Variants in NPY observed in about 807,000 individuals in gnomAD.
NPY encodes the protein neuropeptide Y.
In NPY, 11 loss-of-function variants were observed where a neutral mutation model predicts 13.2. The ratio of observed to expected loss-of-function variants is 0.83; its 90% CI spans 0.52 to 1.38. The LOEUF is 1.38. NPY is among the 40% of genes most tolerant of loss of function. The pLI, the probability that NPY is intolerant of heterozygous loss-of-function variation, is 0.00. For missense variants in NPY, 109 were observed against 125.1 expected (o/e 0.87, Z 0.61); for synonymous variants, 51 against 55.6 (o/e 0.92, Z 0.37).
intron 1 of NPY, among the ~76,000 whole-genome samples, chr7:24,284,550 G>A (rs1473304058): frequency 6.6e-6 from 1 of 152,224 alleles, no homozygotes; most frequent in Admixed American, 6.5e-5. Context: ...AGCAGATATG[G>A]AGGGAGAACC....
In NPY at chr7:24,285,917, C is replaced by T. The variant is rs1005512546; in HGVS notation, c.188+489C>T. 6.6e-6 allele frequency among the ~76,000 whole-genome samples: 1 copy of T among 152,184 alleles called. No individual in the cohort carries two copies. The highest frequency in any genetic ancestry group is 2.4e-5 in the African/African-American group (1 of 41,446). On this transcript the variant is annotated intron_variant, in intron 2 of 3. Transcript: ENST00000242152. This position sits in a 1 kb window ranked among gnomAD's most constrained non-coding sequence, Gnocchi z 4.9. ...GTCAGACTTTCCGGCCTGCCCAGGGCTAATTGAATGACAGTATTTAGAAAA... is the reference window on the plus strand; with the variant it reads ...GTCAGACTTTCCGGCCTGCCCAGGGTTAATTGAATGACAGTATTTAGAAAA...
rs552656052 is a variant in NPY at position 24,285,761 on chromosome 7, C to T, written c.188+333C>T. On this transcript the variant is annotated intron_variant, in intron 2 of 3. Coordinates refer to ENST00000242152, the MANE Select transcript of NPY (RefSeq NM_000905.4). This position sits in a 1 kb window ranked among gnomAD's most constrained non-coding sequence, Gnocchi z 4.9. ...CCCGGTCCAGAAATCTCGAAAGTAC[C>T]CAGTGAAAGGGGCAAGAATGCGCCA... 6.6e-6 allele frequency among the ~76,000 whole-genome samples: 1 copy of T among 152,056 alleles called. No individual in the cohort carries two copies. Among genetic ancestry groups the T allele is most frequent in the East Asian group, 1.9e-4 (1 of 5,164 alleles).
rs189322979 is a variant in NPY, at chr7:24,286,258, T to G, written c.188+830T>G. Among the ~76,000 whole-genome samples the G allele has an allele frequency of 2.6e-5, 4 of 152,322 alleles. No individual in the cohort carries two copies. The South Asian group carries it at 6.2e-4, about 24-fold the overall frequency. ...AATGCCATATTTTCACTCTCAACAT[T>G]GACAATTAAGGGAAAAATCAAATCC... On this transcript the variant is annotated intron_variant, in intron 2 of 3. Transcript: ENST00000242152.
intron 2 of NPY, among the ~76,000 whole-genome samples, chr7:24,289,194 C>T (rs929139229): frequency 1.3e-5 from 2 of 152,040 alleles, no homozygotes; most frequent in African/African-American, 4.8e-5. Context: ...GTATGTATCT[C>T]TATACATATT....
At chr7:24,291,377 G>T (rs530116720) in intron 3 of NPY, among the ~76,000 whole-genome samples, 2 of 152,302 alleles carry the variant, frequency 1.3e-5, no homozygotes, top group East Asian at 3.9e-4. Flanking sequence ...AAAGATCGGG[G>T]TGTTCTTCGG....
In NPY at chr7:24,291,671, A is replaced by C. The variant is rs753866284; in HGVS notation, c.278A>C (p.Asp93Ala). ...TENVPRTRLE[D>A]PAMW ...CTTCTTATGTTTTACAGGCTTGAAG[A>C]CCCTGCAATGTGGTGATGGGAAATG... is the stretch of plus-strand genomic sequence containing the variant. The change falls in exon 4 of 4, where the codon GAC (aspartate) becomes GCC (alanine). Residue 93 changes from aspartate (D) to alanine (A), a missense_variant. By Grantham distance (126) the Asp-to-Ala change is moderately radical. Coordinates refer to ENST00000242152, the MANE Select transcript of NPY (RefSeq NM_000905.4). 3.7e-6 allele frequency: 6 copies of C among 1,614,032 alleles called. No homozygotes were observed. The East Asian group carries it at 1.3e-4, about 36-fold the overall frequency.
rs1243498900 is a variant in NPY at position 24,285,006 on chromosome 7, C to A, written c.1-235C>A. ...GCTTCTTGGTCCCTGAGACTTCGAA[C>A]GAAGTTGCGCGAAGTTTTCAGGTGG... is the stretch of plus-strand genomic sequence containing the variant. On this transcript the variant is annotated intron_variant, in intron 1 of 3. Transcript: ENST00000242152. The surrounding 1 kb of genome is among the most constrained non-coding windows in gnomAD (Gnocchi z 4.9). 2 of 578,750 alleles carry A rather than the reference C, an allele frequency of 3.5e-6. No homozygotes were observed. The highest frequency in any genetic ancestry group is 2.9e-5 in the East Asian group (1 of 34,226). The allele number at this position is 578,750 out of a possible 1,614,324, so 35.9% of individuals were successfully genotyped here.
intron 3 of NPY, 62 bp from the exon 4 acceptor site, chr7:24,291,601 T>C: frequency 6.3e-7 from 1 of 1,598,286 alleles, no homozygotes; most frequent in Non-Finnish European, 8.6e-7. Context: ...TGTCTCACCC[T>C]TGCTCATACC....
chr7:24,288,507 T>C (rs1451808538), intron 2 of NPY, among the ~76,000 whole-genome samples: 1 of 152,138 alleles, frequency 6.6e-6, no homozygotes, highest in Non-Finnish European at 1.5e-5. Context: ...CTAAACAAAG[T>C]GGCGAATGGT....
Position 24,285,443 on chromosome 7 carries a change from G to C in NPY, c.188+15G>C, listed in dbSNP as rs763205053. 3 of 1,605,342 alleles carry C rather than the reference G, an allele frequency of 1.9e-6. No homozygotes were observed. Among genetic ancestry groups the C allele is most frequent in the East Asian group, 2.2e-5 (1 of 44,594 alleles). On this transcript the variant is annotated intron_variant, in intron 2 of 3. Transcript: ENST00000242152. This position sits in a 1 kb window ranked among gnomAD's most constrained non-coding sequence, Gnocchi z 4.9. Reference sequence around the variant, plus strand: ...ACCAGGCAGAGGTGGGTGGGACCGCGGGACCGATTCCGGGAGCGCCAGTGC... The same window carrying C: ...ACCAGGCAGAGGTGGGTGGGACCGCCGGACCGATTCCGGGAGCGCCAGTGC...
rs142691592 is a variant in NPY at position 24,288,511 on chromosome 7, G to A, written c.189-988G>A. ...CTAATTTATTTCTAAACAAAGTGGC[G>A]AATGGTGTCCAATGCCTTTTCTGAG... On this transcript the variant is annotated intron_variant, in intron 2 of 3. Coordinates refer to ENST00000242152, the MANE Select transcript of NPY (RefSeq NM_000905.4). Among the ~76,000 whole-genome samples the A allele has an allele frequency of 2.3e-3, 350 of 152,120 alleles. 2 individuals carry two copies. The highest frequency in any genetic ancestry group is 7.9e-3 in the African/African-American group (329 of 41,492).
At chr7:24,287,702 G>A (rs145223397) in intron 2 of NPY, among the ~76,000 whole-genome samples, 160 of 152,148 alleles carry the variant, frequency 1.1e-3, no homozygotes, top group African/African-American at 3.5e-3. Flanking sequence ...TGGTACCTAG[G>A]TGTATAGATG....
chr7:24,285,693 C>T lies in NPY; in HGVS notation c.188+265C>T. Among the ~76,000 whole-genome samples, 1 of 152,154 alleles carries T rather than the reference C, an allele frequency of 6.6e-6. No individual in the cohort carries two copies. The highest frequency in any genetic ancestry group is 1.9e-4 in the East Asian group (1 of 5,192). ...GGCTGGTAGGCTGGCAATCTCCTCT[C>T]ACTCACCTCTTATGGTTTGTTGTGG... On this transcript the variant is annotated intron_variant, in intron 2 of 3. Transcript: ENST00000242152. This position sits in a 1 kb window ranked among gnomAD's most constrained non-coding sequence, Gnocchi z 4.9.
chr7:24,291,754 A>G lies in NPY; in HGVS notation c.*67A>G. ...CCCATATTTCATCGTGTAAAACGAGAATCCACCCATCCTACCAATGCATGC... is the reference window on the plus strand; with the variant it reads ...CCCATATTTCATCGTGTAAAACGAGGATCCACCCATCCTACCAATGCATGC... On this transcript the variant is annotated 3_prime_UTR_variant, in exon 4 of 4. Transcript: ENST00000242152. The G allele has an allele frequency of 6.3e-7, 1 of 1,582,800 alleles. No homozygotes were observed.
intron 1 of NPY, among the ~76,000 whole-genome samples, 158 bp downstream of exon 1, chr7:24,284,433 C>A (rs773662554): frequency 7.9e-5 from 12 of 152,232 alleles, no homozygotes; most frequent in Non-Finnish European, 1.5e-4. Flanking sequence ...CGACGCGGAC[C>A]AGCCCTCTTG....
rs1047475848 is a variant in NPY, at chr7:24,289,433, C to T, written c.189-66C>T. 9.9e-6 allele frequency: 11 copies of T among 1,116,270 alleles called. No homozygotes were observed. The African/African-American group carries it at 1.2e-4, about 13-fold the overall frequency. The allele number at this position is 1,116,270 out of a possible 1,614,324, so 69.1% of individuals were successfully genotyped here. A position where few individuals can be genotyped will look rare whatever the true frequency, so the allele number is the denominator to read the frequency against. ...TTTCATATCCCAAATAGGAGACTAT[C>T]TTCCTTTTTCCTAAAGGTTTTTATG... On this transcript the variant is annotated intron_variant, in intron 2 of 3. Transcript: ENST00000242152.
At chr7:24,290,824 G>T (rs1410590941) in intron 3 of NPY, among the ~76,000 whole-genome samples, 1 of 146,026 alleles carries the variant, frequency 6.8e-6, no homozygotes, top group Non-Finnish European at 1.5e-5. Context: ...ACTCAGGCCA[G>T]AGCACAGTGG....
chr7:24,286,878 T>G (rs181278101), intron 2 of NPY, among the ~76,000 whole-genome samples: 1 of 152,256 alleles, frequency 6.6e-6, no homozygotes, highest in Non-Finnish European at 1.5e-5. Context: ...CCTTTGTTAG[T>G]TATTTAGCTG....
At chr7:24,291,538 G>A (rs1277572965) in intron 3 of NPY, 125 bp from the exon 4 acceptor site, 14 of 1,064,566 alleles carry the variant, frequency 1.3e-5, no homozygotes, top group Non-Finnish European at 2.0e-5. Flanking sequence ...TATTTAGAAT[G>A]CCAACAGGAA....
Sources: gnomAD v4.1 joint callset for allele counts (sites outside exome capture counted in the v4.1 genomes callset) on GRCh38, gnomAD v4.1.1 for gene constraint, Gnocchi (gnomAD v3.1) non-coding constraint, MANE v1.5 for transcripts, NCBI Gene and HGNC (gene_info 2026-07-23, HGNC 2026-07-21) for gene names.